Variants in DNAH2 observed in about 807,000 individuals in gnomAD.
The protein encoded by DNAH2 is dynein axonemal heavy chain 2, also known as axonemal beta dynein heavy chain 2.
A neutral mutation model predicts 523.5 loss-of-function variants in DNAH2; 323 were observed. The observed-to-expected ratio is 0.62, with a 90% CI of 0.56 to 0.68. The LOEUF is 0.68. Among genes scored for constraint, DNAH2 ranks in the 30% least tolerant of loss-of-function variants. The pLI is 0.00. For missense variants in DNAH2, 4,907 were observed against 5,701.5 expected, an observed-to-expected ratio of 0.86 and a Z score of 4.49; for synonymous variants, 2,093 against 2,177.4, an observed-to-expected ratio of 0.96 and a Z score of 1.08.
intron 3 of DNAH2, among the ~76,000 whole-genome samples, chr17:7,726,250 C>T (rs2074805776): frequency 6.6e-6 from 1 of 151,714 alleles, no homozygotes; most frequent in Non-Finnish European, 1.5e-5. Flanking sequence ...AGGTGATCCA[C>T]CCGCCTTGGC....
At chr17:7,733,475 CTT>C (rs1199721840) in intron 5 of DNAH2, among the ~76,000 whole-genome samples, 160 bp downstream of exon 5, 10 of 113,854 alleles carry the variant, frequency 8.8e-5, no homozygotes, top group Non-Finnish European at 7.6e-5. Context: ...CCTTCTTCTT[CTT>C]TTTTTTTTTT....
intron 58 of DNAH2, 84 bp downstream of exon 58, chr17:7,802,101 G>A: frequency 6.4e-7 from 1 of 1,551,764 alleles, no homozygotes; most frequent in Non-Finnish European, 8.7e-7. Context: ...TGATGTGCAA[G>A]GGCAGAGACA....
chr17:7,774,349 G>A (rs1162997195), intron 28 of DNAH2, among the ~76,000 whole-genome samples: 1 of 152,128 alleles, frequency 6.6e-6, no homozygotes, highest in Non-Finnish European at 1.5e-5. Flanking sequence ...GAGCAGGATG[G>A]TGAGAGATTG....
chr17:7,809,814 G>A (rs1047673553), intron 63 of DNAH2, among the ~76,000 whole-genome samples: 3 of 151,154 alleles, frequency 2.0e-5, no homozygotes, highest in African/African-American at 7.3e-5. Flanking sequence ...GACAAAGCCT[G>A]TGACGTTTAT....
chr17:7,821,191 A>G lies in DNAH2; in HGVS notation c.11016-52A>G. On this transcript the variant is annotated intron_variant, in intron 72 of 85. Coordinates refer to ENST00000572933, the MANE Select transcript of DNAH2 (RefSeq NM_020877.5). The surrounding 1 kb of genome is among the most constrained non-coding windows in gnomAD (Gnocchi z 5.0). Reference sequence around the variant, plus strand: ...TAGCATCATAGCATTCGCATGGAGCATCAGCCCCCATTCCATGCTGCCCCT... The same window carrying G: ...TAGCATCATAGCATTCGCATGGAGCGTCAGCCCCCATTCCATGCTGCCCCT... 1.3e-6 allele frequency: 2 copies of G among 1,590,028 alleles called. No homozygotes were observed. Among genetic ancestry groups the G allele is most frequent in the Middle Eastern group, 1.7e-4 (1 of 5,954 alleles).
At chr17:7,776,971 C>A (rs2076471130) in intron 32 of DNAH2, 82 bp downstream of exon 32, 3 of 1,186,394 alleles carry the variant, frequency 2.5e-6, no homozygotes, top group Non-Finnish European at 3.6e-6. Flanking sequence ...CTCGCTTGAG[C>A]CCAGGAGTTC....
rs750653835 is a variant in DNAH2 at position 7,821,316 on chromosome 17, A to G, written c.11089A>G (p.Thr3697Ala). 6.2e-7 allele frequency: 1 copy of G among 1,613,848 alleles called. No homozygotes were observed. Among genetic ancestry groups the G allele is most frequent in the South Asian group, 1.1e-5 (1 of 91,036 alleles). ...TCATATGTGTGCCAAAATCTTGGAG[A>G]CTTCTGGCAAGCTCAACATGGATGA... Reference protein sequence around the residue: ...SFHMCAKILETSGKLNMDEYN... With the variant: ...SFHMCAKILEASGKLNMDEYN... Residue 3697 changes from threonine to alanine, a missense_variant, in exon 73 of 86, where the codon ACT becomes GCT. Around this residue, in one of 3 missense-constraint regions of DNAH2, gnomAD observed 1,851 missense variants for 2,139.4 expected, o/e 0.87. Coordinates refer to ENST00000572933, the MANE Select transcript of DNAH2 (RefSeq NM_020877.5). This position sits in a 1 kb window ranked among gnomAD's most constrained non-coding sequence, Gnocchi z 5.0.
At chr17:7,787,811 G>A in intron 42 of DNAH2, 49 bp from the exon 43 acceptor site, 3 of 1,558,500 alleles carry the variant, frequency 1.9e-6, no homozygotes, top group Non-Finnish European at 2.6e-6. Flanking sequence ...TATTCCTGAA[G>A]GTGGGGGATG....
At chr17:7,778,610 A>T (rs1263124824) in intron 35 of DNAH2, 141 bp downstream of exon 35, 6 of 874,858 alleles carry the variant, frequency 6.9e-6, no homozygotes, top group South Asian at 2.8e-5. Flanking sequence ...TTATTTATTT[A>T]TTTTTTGGAG....
At chr17:7,766,221 G>A (rs1597587513) in intron 21 of DNAH2, 97 bp from the exon 22 acceptor site, 1 of 1,328,178 alleles carries the variant, frequency 7.5e-7, no homozygotes, top group East Asian at 2.3e-5. Flanking sequence ...CTCACGTGAG[G>A]AGAGAGGTGA....
At chr17:7,820,717 T>C (rs1179771549) in intron 72 of DNAH2, among the ~76,000 whole-genome samples, 1 of 152,124 alleles carries the variant, frequency 6.6e-6, no homozygotes, top group East Asian at 1.9e-4. Context: ...TAATGAATGT[T>C]TTGTTTTTTA....
chr17:7,817,847 A>G lies in DNAH2; in HGVS notation c.10227A>G (p.Glu3409=), dbSNP rs376896052. 6.2e-7 allele frequency: 1 copy of G among 1,613,834 alleles called. No homozygotes were observed. The highest frequency in any genetic ancestry group is 1.3e-5 in the African/African-American group (1 of 74,834). The change falls in exon 67 of 86, where the codon GAA becomes GAG. Residue 3409 remains glutamate (E), a synonymous_variant. Coordinates refer to ENST00000572933, the MANE Select transcript of DNAH2 (RefSeq NM_020877.5). ...CCCTGAAATGGATTAAGAACATGGA[A>G]GGAGGCCAGGTGTGAGGCTGGGGGG... ...AQALKWIKNM[E]GGQGLKIIDL... is the part of the protein sequence containing the mutation.
chr17:7,753,855 G>T (rs2075759819), intron 12 of DNAH2, among the ~76,000 whole-genome samples: 1 of 152,152 alleles, frequency 6.6e-6, no homozygotes, highest in Admixed American at 6.5e-5. Flanking sequence ...GGCTGAGGCA[G>T]GAGAATCACT....
At chr17:7,731,471 C>T (rs1176983039) in intron 4 of DNAH2, among the ~76,000 whole-genome samples, 9 of 151,876 alleles carry the variant, frequency 5.9e-5, no homozygotes, top group Non-Finnish European at 7.4e-5. Flanking sequence ...TGCTTAAATT[C>T]AAGTAAAATT....
intron 29 of DNAH2, 65 bp from the exon 30 acceptor site, chr17:7,775,176 C>T (rs2076415073): frequency 2.0e-6 from 3 of 1,535,662 alleles, no homozygotes; most frequent in Non-Finnish European, 1.8e-6. Context: ...CAAAAGGCCC[C>T]AGGACTTCTA....
intron 73 of DNAH2, among the ~76,000 whole-genome samples, chr17:7,823,060 C>T (rs2077904830): frequency 1.3e-5 from 2 of 151,844 alleles, no homozygotes; most frequent in South Asian, 2.1e-4. Context: ...TTTGGGAGGC[C>T]GAGGAGGATG....
chr17:7,764,988 A>G (rs1412745498), intron 20 of DNAH2, among the ~76,000 whole-genome samples: 6 of 150,234 alleles, frequency 4.0e-5, no homozygotes, highest in African/African-American at 1.2e-4. Flanking sequence ...GACTACAGGC[A>G]CCTCAAGTGA....
chr17:7,727,147 C>T lies in DNAH2; in HGVS notation c.254C>T (p.Ala85Val), dbSNP rs377077879. The T allele has an allele frequency of 1.0e-5, 16 of 1,584,968 alleles. No homozygotes were observed. Among genetic ancestry groups the T allele is most frequent in the Admixed American group, 3.8e-5 (2 of 52,182 alleles). Residue 85 changes from alanine to valine, a missense_variant, in exon 4 of 86, where the codon GCG (alanine) becomes GTG (valine). By Grantham distance (64) the Ala-to-Val change is moderately conservative (BLOSUM62 0). This residue lies in a region of DNAH2 where 2,806 missense variants were observed against 3,190.8 expected (regional missense o/e 0.88). Transcript: ENST00000572933. The part of the protein sequence containing the change: ...DVKPLFLSRA[A>V]LTGLADAVWT... ...AAGCCCCTCTTCCTTTCCCGAGCTG[C>T]GCTGACAGGACTGGCGGATGCAGTG... is the stretch of plus-strand genomic sequence containing the variant.
chr17:7,787,464 G>A, intron 42 of DNAH2: 1 of 253,014 alleles, frequency 4.0e-6, no homozygotes, highest in Non-Finnish European at 7.6e-6. Flanking sequence ...GCCGGGCCGG[G>A]TGGCTCACGC....
Sources: allele counts gnomAD v4.1 joint callset (sites outside exome capture counted in the v4.1 genomes callset), GRCh38; gene constraint gnomAD v4.1.1; regional missense constraint gnomAD v4.1.1; non-coding constraint Gnocchi (gnomAD v3.1); transcripts MANE v1.5; gene names NCBI Gene and HGNC (gene_info 2026-07-23, HGNC 2026-07-21).